The following TKT variants were observed in gnomAD, a reference collection of about 807,000 sequenced individuals.
The protein encoded by TKT is epididymis luminal protein 107.
TKT carries 47 observed loss-of-function variants against 63.9 expected under a neutral mutation model. That is an observed-to-expected ratio of 0.74 (90% CI 0.58 to 0.94). The LOEUF is 0.94. Among genes scored for constraint, TKT ranks in the 40% least tolerant of loss-of-function variants. The pLI is 0.00. For synonymous variants in TKT, 338 were observed against 334.1 expected (o/e 1.01, Z -0.13); for missense variants, 721 against 846.2 (o/e 0.85, Z 1.84).
chr3:53,249,355 G>A (rs1705652584), intron 1 of TKT, among the ~76,000 whole-genome samples: 1 of 152,060 alleles, frequency 6.6e-6, no homozygotes, highest in Admixed American at 6.5e-5. Flanking sequence ...AGGCTGGCGG[G>A]AGGATCACCT....
chr3:53,241,117 G>A lies in TKT; in HGVS notation c.339+15C>T, dbSNP rs1553679732. 1 of 1,543,108 alleles carries A rather than the reference G, an allele frequency of 6.5e-7. No individual in the cohort carries two copies. The highest frequency in any genetic ancestry group is 8.7e-7 in the Non-Finnish European group (1 of 1,153,306). On this transcript the variant is annotated intron_variant, in intron 3 of 13. Transcript: ENST00000462138. ...TGGAGGCAGAGGCATGGGAGGCTCT[G>A]GCAGGAGCACTTACCGGGACCGGGT...
Position 53,234,985 on chromosome 3 carries a change from G to A in TKT, c.627C>T (p.Phe209=), listed in dbSNP as rs140465934. ...TCAGGCCACAGCCTCGTACATACCC[G>A]AAGGCCTCGCACCGCTTCTGGTAGA... ...MDIYQKRCEA[F]GWHAIIVDGH... Residue 209 remains phenylalanine (F), a splice_region_variant and synonymous_variant, in exon 5 of 14, where the codon TTC becomes TTT. Transcript: ENST00000462138. 89 of 1,611,256 alleles carry A rather than the reference G, an allele frequency of 5.5e-5. 1 individual carries two copies. Among genetic ancestry groups the A allele is most frequent in the South Asian group, 3.1e-4 (28 of 90,710 alleles).
chr3:53,229,628 A>T (rs782567321), intron 8 of TKT, among the ~76,000 whole-genome samples, 192 bp from the exon 9 acceptor site: 2 of 152,172 alleles, frequency 1.3e-5, no homozygotes, highest in East Asian at 3.9e-4. Context: ...GTCCGAGGGC[A>T]GCAGCCTCAT....
At chr3:53,225,977 G>A in intron 13 of TKT, 46 bp from the exon 14 acceptor site, 57 of 1,568,900 alleles carry the variant, frequency 3.6e-5, no homozygotes, top group Non-Finnish European at 4.9e-5. Context: ...CTCAGGGTGA[G>A]CAGTGGTGGG....
intron 4 of TKT, among the ~76,000 whole-genome samples, chr3:53,237,495 TACACACAC>T (rs3075727): frequency 0.018 from 2,546 of 144,878 alleles, 53 homozygotes; most frequent in African/African-American, 0.048. Flanking sequence ...TTTTATATTA[TACACACAC>T]ACACACACAC....
chr3:53,228,094 A>G lies in TKT; in HGVS notation c.1535T>C (p.Leu512Pro), dbSNP rs1553675968. 1 of 1,613,596 alleles carries G rather than the reference A, an allele frequency of 6.2e-7. No individual in the cohort carries two copies. The highest frequency in any genetic ancestry group is 1.7e-5 in the Admixed American group (1 of 60,024). Residue 512 changes from leucine to proline, a missense_variant, in exon 12 of 14, where the codon CTG (leucine) becomes CCG (proline). Transcript: ENST00000462138. ...TTCGGCAGCGGCCAAGGCCTCGTGCAGGGTCACCCCAGCCCCGATAACGGT... is the reference window on the plus strand; with the variant it reads ...TTCGGCAGCGGCCAAGGCCTCGTGCGGGGTCACCCCAGCCCCGATAACGGT... ...QVTVIGAGVT[L>P]HEALAAAELL...
chr3:53,237,877 A>G (rs1409988689), intron 4 of TKT: 5 of 152,212 alleles, frequency 3.3e-5, no homozygotes, highest in Admixed American at 6.5e-5. Context: ...GTGGGCCGAG[A>G]TCGTACCACT....
In TKT at chr3:53,229,009, T is replaced by C; in HGVS notation, c.1393A>G (p.Lys465Glu). 6.2e-7 allele frequency: 1 copy of C among 1,614,080 alleles called. No individual in the cohort carries two copies. Among genetic ancestry groups the C allele is most frequent in the Non-Finnish European group, 8.5e-7 (1 of 1,179,996 alleles). Residue 465 changes from lysine to glutamate, a missense_variant and splice_region_variant, in exon 10 of 14, where the codon AAG (lysine) becomes GAG (glutamate). Transcript: ENST00000462138. ...EKAVELAANT[K>E]GICFIRTSRP... ...GAAAGAACAGCCATGCAACCTACCT[T>C]TGTATTGGCGGCTAGTTCCACTGCC...
At position 53,231,415 on chromosome 3, in the gene TKT, G is replaced by C; in HGVS notation, c.884C>G (p.Ser295Ter). ...LATPPQEDAP[S>*]VDIANIRMPS... Reference sequence around the variant, plus strand: ...CATGCGGATGTTGGCAATGTCCACTGAGGGTGCGTCCTCCTGTGGAGGGGT... The same window carrying C: ...CATGCGGATGTTGGCAATGTCCACTCAGGGTGCGTCCTCCTGTGGAGGGGT... Residue 295 changes from serine (S) to a stop codon, truncating the protein, a stop_gained, in exon 7 of 14, where the codon TCA becomes TGA. Coordinates refer to ENST00000462138, the MANE Select transcript of TKT (RefSeq NM_001064.4). LOFTEE classifies it high-confidence loss of function. 3 of 1,614,134 alleles carry C rather than the reference G, an allele frequency of 1.9e-6. No individual in the cohort carries two copies. The highest frequency in any genetic ancestry group is 2.5e-6 in the Non-Finnish European group (3 of 1,180,038).
At chr3:53,240,036 G>A (rs952099646) in intron 4 of TKT, among the ~76,000 whole-genome samples, 35 of 152,258 alleles carry the variant, frequency 2.3e-4, no homozygotes, top group African/African-American at 8.4e-4. Context: ...ACCCAGGGCA[G>A]GTCCCTTAAC....
chr3:53,233,982 G>C (rs1704891752), intron 5 of TKT: 1 of 152,234 alleles, frequency 6.6e-6, no homozygotes, highest in East Asian at 1.9e-4. Flanking sequence ...ACGCCACAAA[G>C]CAAGTTAGCG....
chr3:53,235,342 G>A, intron 4 of TKT, 168 bp from the exon 5 acceptor site: 1 of 577,546 alleles, frequency 1.7e-6, no homozygotes, highest in Admixed American at 3.4e-5. Context: ...CCAGGTTCCT[G>A]CAGCCTACCA....
At position 53,231,419 on chromosome 3, in the gene TKT, G is replaced by C. The variant is rs1704751156; in HGVS notation, c.880C>G (p.Pro294Ala). ...CGGATGTTGGCAATGTCCACTGAGG[G>C]TGCGTCCTCCTGTGGAGGGGTTGCC... is the stretch of plus-strand genomic sequence containing the variant. Reference protein sequence around the residue: ...ILATPPQEDAPSVDIANIRMP... With the variant: ...ILATPPQEDAASVDIANIRMP... Residue 294 changes from proline to alanine, a missense_variant, in exon 7 of 14, where the codon CCC becomes GCC. Coordinates refer to ENST00000462138, the MANE Select transcript of TKT (RefSeq NM_001064.4). 1 of 1,614,006 alleles carries C rather than the reference G, an allele frequency of 6.2e-7. No individual in the cohort carries two copies. Among genetic ancestry groups the C allele is most frequent in the Admixed American group, 1.7e-5 (1 of 59,992 alleles).
chr3:53,243,306 C>T (rs1182230771), intron 1 of TKT, among the ~76,000 whole-genome samples: 3 of 152,096 alleles, frequency 2.0e-5, no homozygotes, highest in East Asian at 1.9e-4. Flanking sequence ...ACAGGCCTCC[C>T]GGGAGGGCCC....
intron 1 of TKT, among the ~76,000 whole-genome samples, chr3:53,243,047 C>T (rs73840299): frequency 0.13 from 20,122 of 152,114 alleles, 1,391 homozygotes; most frequent in African/African-American, 0.16. Context: ...TTAATAAAAA[C>T]CCCTTCTGCC....
chr3:53,238,703 T>G (rs995159192), intron 4 of TKT, among the ~76,000 whole-genome samples: 8 of 152,210 alleles, frequency 5.3e-5, no homozygotes, highest in African/African-American at 1.9e-4. Context: ...CCCGAGCTCC[T>G]GTGGTGCCCT....
chr3:53,240,026 A>G (rs1438365594), intron 4 of TKT, among the ~76,000 whole-genome samples: 1 of 152,178 alleles, frequency 6.6e-6, no homozygotes, highest in Non-Finnish European at 1.5e-5. Context: ...CTGCTGAGGG[A>G]CCCAGGGCAG....
At chr3:53,245,526 G>A (rs944674256) in intron 1 of TKT, among the ~76,000 whole-genome samples, 4 of 152,076 alleles carry the variant, frequency 2.6e-5, no homozygotes, top group Non-Finnish European at 4.4e-5. Context: ...GCTCACACCC[G>A]TAATTCCAGC....
At chr3:53,253,896 C>A (rs1705866849) in intron 1 of TKT, among the ~76,000 whole-genome samples, 1 of 152,162 alleles carries the variant, frequency 6.6e-6, no homozygotes, top group African/African-American at 2.4e-5. Flanking sequence ...ACCACCATGC[C>A]CTGCCAAGAA....
Sources: allele counts gnomAD v4.1 joint callset (sites outside exome capture counted in the v4.1 genomes callset), GRCh38; gene constraint gnomAD v4.1.1; transcripts MANE v1.5; gene names NCBI Gene and HGNC (gene_info 2026-07-23, HGNC 2026-07-21).